The following OR7C1 variants were observed in gnomAD, a reference collection of about 807,000 sequenced individuals.
OR7C1 encodes the protein olfactory receptor family 7 subfamily C member 1.
For synonymous variants in OR7C1, 152 were observed against 160.7 expected (o/e 0.95, Z 0.41); for missense variants, 324 against 383.3 (o/e 0.85, Z 1.29).
intron 1 of OR7C1, among the ~76,000 whole-genome samples, chr19:14,818,223 G>T (rs1239294511): frequency 6.6e-6 from 1 of 151,824 alleles, no homozygotes; most frequent in Non-Finnish European, 1.5e-5. Context: ...CTCCCGAGTA[G>T]CTGCGACTAC....
chr19:14,816,749 T>C (rs934369780), intron 1 of OR7C1, among the ~76,000 whole-genome samples: 4 of 152,182 alleles, frequency 2.6e-5, no homozygotes, highest in Non-Finnish European at 5.9e-5. Flanking sequence ...TATATATCTA[T>C]CCTATTAGTT....
intron 1 of OR7C1, among the ~76,000 whole-genome samples, chr19:14,823,722 C>T (rs2044751943): frequency 6.6e-6 from 1 of 152,144 alleles, no homozygotes; most frequent in Non-Finnish European, 1.5e-5. Context: ...CAGTATTTGA[C>T]TATTTCTGAG....
chr19:14,826,137 C>T (rs1361936063), intron 1 of OR7C1: 1 of 152,092 alleles, frequency 6.6e-6, no homozygotes, highest in African/African-American at 2.4e-5. Flanking sequence ...ATTTTCCATT[C>T]CCAGAGACAT....
chr19:14,823,570 G>A (rs9676454), intron 1 of OR7C1, among the ~76,000 whole-genome samples: 66,476 of 152,052 alleles, frequency 0.44, 15,100 homozygotes, highest in East Asian at 0.67. Flanking sequence ...CACCCAAATA[G>A]TGTACATTGT....
chr19:14,810,441 G>T (rs1014453527), intron 1 of OR7C1, among the ~76,000 whole-genome samples: 3 of 151,158 alleles, frequency 2.0e-5, no homozygotes, highest in Non-Finnish European at 4.4e-5. Context: ...GTGCAGTGGC[G>T]CAATCTTGGC....
intron 2 of OR7C1, among the ~76,000 whole-genome samples, chr19:14,805,665 T>C (rs2147647499): frequency 6.6e-6 from 1 of 151,960 alleles, no homozygotes; most frequent in Non-Finnish European, 1.5e-5. Flanking sequence ...TCCACTTTTC[T>C]CGGCCTCCCA....
Position 14,810,310 on chromosome 19 carries a change from C to T in OR7C1, c.-622-317G>A, listed in dbSNP as rs555215986. Among the ~76,000 whole-genome samples the T allele has an allele frequency of 3.3e-4, 50 of 151,872 alleles. 1 individual carries two copies. Among genetic ancestry groups the T allele is most frequent in the Middle Eastern group, 6.8e-3 (2 of 294 alleles). ...AATCTCCAAGTTTCTGAGGGACACT[C>T]GGTTTCCAGTGTTAGACTTAGACAT... On this transcript the variant is annotated intron_variant, in intron 1 of 4. Transcript: ENST00000641666.
At chr19:14,832,881 A>G (rs1254257553) in intron 1 of OR7C1, among the ~76,000 whole-genome samples, 1 of 151,858 alleles carries the variant, frequency 6.6e-6, no homozygotes, top group Non-Finnish European at 1.5e-5. Context: ...GACATGCTAT[A>G]ATAATAATTT....
At position 14,815,784 on chromosome 19, in the gene OR7C1, CGTGT is replaced by C. The variant is rs34655691; in HGVS notation, c.-622-5795_-622-5792del. On this transcript the variant is annotated intron_variant, in intron 1 of 4. Coordinates refer to ENST00000641666, the Ensembl canonical transcript of OR7C1. ...GTTTCCTTGAGTCTCTGAGTTTGTG[CGTGT>C]GTGTGTGTGTGTGTGTGTGTGTGTG... 9.5e-3 allele frequency among the ~76,000 whole-genome samples: 1,399 copies of C among 146,636 alleles called. 12 individuals carry two copies. Among genetic ancestry groups the C allele is most frequent in the African/African-American group, 0.027 (1,068 of 39,766 alleles).
Sources: allele counts gnomAD v4.1 joint callset (sites outside exome capture counted in the v4.1 genomes callset), GRCh38; gene constraint gnomAD v4.1.1; transcripts MANE v1.5; gene names NCBI Gene and HGNC (gene_info 2026-07-23, HGNC 2026-07-21).